The following DGUOK variants were observed in gnomAD, a reference collection of about 807,000 sequenced individuals.
The protein encoded by DGUOK is deoxyguanosine kinase, mitochondrial.
In DGUOK, 30 loss-of-function variants were observed where a neutral mutation model predicts 36.6. That is an observed-to-expected ratio of 0.82 (90% CI 0.61 to 1.11). DGUOK has a LOEUF of 1.11. Among genes scored for constraint, DGUOK ranks in the 50% most tolerant of loss-of-function variants. The probability of loss-of-function intolerance (pLI) is 0.00; values close to 1 mark genes in which losing one functional copy is unlikely to be tolerated. For missense variants in DGUOK, 361 were observed against 336.4 expected, an observed-to-expected ratio of 1.07 and a Z score of -0.57; for synonymous variants, 145 against 126.3, an observed-to-expected ratio of 1.15 and a Z score of -0.99.
intron 2 of DGUOK, among the ~76,000 whole-genome samples, chr2:73,943,860 T>A (rs1328591927): frequency 6.6e-6 from 1 of 152,188 alleles, no homozygotes; most frequent in African/African-American, 2.4e-5. Context: ...TTGGCCAGAC[T>A]GGTCTCGAAT....
chr2:73,957,267 G>C (rs1421832391), intron 5 of DGUOK, 27 bp downstream of exon 5: 16 of 1,572,014 alleles, frequency 1.0e-5, no homozygotes, highest in Non-Finnish European at 1.4e-5. Context: ...GAATGTATCA[G>C]AGACAGAGAC....
chr2:73,957,412 G>T (rs532284545), intron 5 of DGUOK, among the ~76,000 whole-genome samples, 172 bp downstream of exon 5: 7 of 152,326 alleles, frequency 4.6e-5, no homozygotes, highest in African/African-American at 1.7e-4. Flanking sequence ...GGACACCGTG[G>T]CTCACGCCTG....
intron 1 of DGUOK, chr2:73,932,826 A>C (rs1050602026): frequency 2.9e-6 from 1 of 344,464 alleles, no homozygotes; most frequent in African/African-American, 2.2e-5. Context: ...GAAGCCATAT[A>C]AGATGTGTGA....
rs1265534761 is a variant in DGUOK at position 73,958,690 on chromosome 2, T to C, written c.808-20T>C. 13 of 1,606,150 alleles carry C rather than the reference T, an allele frequency of 8.1e-6. No homozygotes were observed. The South Asian group carries it at 1.3e-4, about 16-fold the overall frequency. ...TGTTAAAAATGTGAAATTAAACTTC[T>C]GATTTTCTCCTTCCCACAGGTAAAC... On this transcript the variant is annotated intron_variant, in intron 6 of 6. Transcript: ENST00000264093.
intron 2 of DGUOK, among the ~76,000 whole-genome samples, chr2:73,941,422 G>A (rs1681895349): frequency 6.6e-6 from 1 of 152,130 alleles, no homozygotes; most frequent in African/African-American, 2.4e-5. Context: ...TAATCATCCT[G>A]TAATCCCATT....
At chr2:73,934,479 G>A (rs549464925) in intron 1 of DGUOK, among the ~76,000 whole-genome samples, 5 of 152,296 alleles carry the variant, frequency 3.3e-5, no homozygotes, top group Admixed American at 3.3e-4. Context: ...CAGGCCGGGC[G>A]ATGTGGCTAA....
At position 73,930,104 on chromosome 2, in the gene DGUOK, T is replaced by A. The variant is rs541896653; in HGVS notation, c.142+3052T>A. 3.9e-5 allele frequency among the ~76,000 whole-genome samples: 6 copies of A among 152,252 alleles called. No individual in the cohort carries two copies. In the East Asian group the frequency reaches 9.7e-4, roughly 24 times the overall value. ...TAGTCTTAGCTAGGAGCACAATTCATCCCTAGTAACAGGCGTGATGGCAAA... is the reference window on the plus strand; with the variant it reads ...TAGTCTTAGCTAGGAGCACAATTCAACCCTAGTAACAGGCGTGATGGCAAA... On this transcript the variant is annotated intron_variant, in intron 1 of 6. Coordinates refer to ENST00000264093, the MANE Select transcript of DGUOK (RefSeq NM_080916.3).
At chr2:73,935,347 G>A in intron 1 of DGUOK, among the ~76,000 whole-genome samples, 1 of 152,164 alleles carries the variant, frequency 6.6e-6, no homozygotes. Context: ...CTGTAGACAG[G>A]GGTGTTCTGG....
At chr2:73,932,517 G>A in intron 1 of DGUOK, 1 of 778,042 alleles carries the variant, frequency 1.3e-6, no homozygotes, top group South Asian at 1.5e-5. Flanking sequence ...ATATCCATGT[G>A]GAAGTTAGGC....
At chr2:73,947,295 T>G (rs1682405697) in intron 3 of DGUOK, among the ~76,000 whole-genome samples, 1 of 152,116 alleles carries the variant, frequency 6.6e-6, no homozygotes, top group African/African-American at 2.4e-5. Context: ...ATTATCCCCT[T>G]TAAGAAAAAA....
At chr2:73,936,420 A>G (rs1681469911) in intron 1 of DGUOK, among the ~76,000 whole-genome samples, 1 of 152,194 alleles carries the variant, frequency 6.6e-6, no homozygotes, top group African/African-American at 2.4e-5. Flanking sequence ...AGCACACACA[A>G]GTTAGGTGGA....
At position 73,950,589 on chromosome 2, in the gene DGUOK, A is replaced by G. The variant is rs1246598262; in HGVS notation, c.448A>G (p.Ile150Val). The G allele has an allele frequency of 6.2e-7, 1 of 1,613,880 alleles. No individual in the cohort carries two copies. The highest frequency in any genetic ancestry group is 8.5e-7 in the Non-Finnish European group (1 of 1,179,994). ...TCCCATCCCACTTCCAACCAGGTAT[A>G]TCTTTGCAAAGAATCTTTTTGAAAA... Reference protein sequence around the residue: ...FERSVYSDRYIFAKNLFENGS... With the variant: ...FERSVYSDRYVFAKNLFENGS... The change falls in exon 4 of 7, where the codon ATC (isoleucine) becomes GTC (valine). Residue 150 changes from isoleucine to valine, a missense_variant. Coordinates refer to ENST00000264093, the MANE Select transcript of DGUOK (RefSeq NM_080916.3).
rs749162727 is a variant in DGUOK at position 73,939,040 on chromosome 2, G to C, written c.255+18G>C. 1 of 1,529,550 alleles carries C rather than the reference G, an allele frequency of 6.5e-7. No homozygotes were observed. The highest frequency in any genetic ancestry group is 1.1e-5 in the South Asian group (1 of 89,424). The allele number at this position is 1,529,550 out of a possible 1,614,324, so 94.7% of individuals were successfully genotyped here. A position where few individuals can be genotyped will look rare whatever the true frequency, so the allele number is the denominator to read the frequency against. The stretch of plus-strand genomic sequence containing the variant: ...CCCAAAAAGTAAGTTTTTAGTTGTG[G>C]TGGGTAGTTGGCAGGCATGGGTGAA... On this transcript the variant is annotated intron_variant, in intron 2 of 6. Transcript: ENST00000264093.
intron 1 of DGUOK, among the ~76,000 whole-genome samples, chr2:73,929,875 G>T (rs1269886490): frequency 6.6e-6 from 1 of 152,132 alleles, no homozygotes; most frequent in Non-Finnish European, 1.5e-5. Context: ...GGAAGTCATG[G>T]GGTGGTAGCT....
intron 1 of DGUOK, among the ~76,000 whole-genome samples, chr2:73,927,543 TATTTTATCTGGCAA>T (rs1680696701): frequency 6.6e-6 from 1 of 152,240 alleles, no homozygotes; most frequent in Admixed American, 6.5e-5. Flanking sequence ...CTGTGTCCTG[TATTTTATCTGGCAA>T]CCCTATTCGA....
intron 2 of DGUOK, among the ~76,000 whole-genome samples, chr2:73,939,774 T>C (rs1206194598): frequency 6.6e-6 from 1 of 152,252 alleles, no homozygotes; most frequent in African/African-American, 2.4e-5. Flanking sequence ...TAATGAGCCA[T>C]GTTGCACCCC....
chr2:73,930,646 G>A (rs1680932652), intron 1 of DGUOK, among the ~76,000 whole-genome samples: 1 of 152,068 alleles, frequency 6.6e-6, no homozygotes, highest in South Asian at 2.1e-4. Context: ...GCTTTCTTGT[G>A]CAACAGAGGC....
intron 4 of DGUOK, among the ~76,000 whole-genome samples, chr2:73,953,283 C>G (rs113787704): frequency 0.15 from 15,394 of 101,058 alleles, 1,318 homozygotes; most frequent in African/African-American, 0.28. Context: ...TGATGATCAT[C>G]ATCATCATCG....
chr2:73,935,414 C>A (rs913234169), intron 1 of DGUOK, among the ~76,000 whole-genome samples: 3 of 152,060 alleles, frequency 2.0e-5, no homozygotes, highest in African/African-American at 7.2e-5. Flanking sequence ...CTCTTAGGAA[C>A]CCCCTGTGAA....
Sources: gnomAD v4.1 joint callset for allele counts (sites outside exome capture counted in the v4.1 genomes callset) on GRCh38, gnomAD v4.1.1 for gene constraint, MANE v1.5 for transcripts, NCBI Gene and HGNC (gene_info 2026-07-23, HGNC 2026-07-21) for gene names.